NRXN3: variants seen among roughly 807,000 people sequenced by gnomAD.
NRXN3 encodes neurexin 3, also known as neurexin III.
In NRXN3, 32 loss-of-function variants were observed where a neutral mutation model predicts 137.6. The observed-to-expected ratio is 0.23, with a 90% confidence interval of 0.18 to 0.31. The LOEUF (loss-of-function observed/expected upper bound fraction) is 0.31, where lower values mean the gene tolerates loss of function less well. NRXN3 is among the 10% of genes least tolerant of loss of function. The probability of loss-of-function intolerance (pLI) is 1.00; values close to 1 mark genes in which losing one functional copy is unlikely to be tolerated. For synonymous variants in NRXN3, 798 were observed against 784.5 expected, an observed-to-expected ratio of 1.02 and a Z score of -0.29; for missense variants, 1,574 against 2,062.5, an observed-to-expected ratio of 0.76 and a Z score of 4.59.
chr14:79,127,958 C>A (rs1398445476), intron 15 of NRXN3, among the ~76,000 whole-genome samples: 3 of 150,006 alleles, frequency 2.0e-5, no homozygotes, highest in Non-Finnish European at 3.0e-5. Flanking sequence ...GGAGTTCACT[C>A]ATGATTTGGC....
At chr14:78,526,842 G>A in intron 4 of NRXN3, 10 of 487,186 alleles carry the variant, frequency 2.1e-5, no homozygotes, top group South Asian at 1.5e-4. Context: ...TATTTTCTAT[G>A]CTTCCTGATA....
At chr14:78,740,693 T>C (rs2098563595) in intron 8 of NRXN3, among the ~76,000 whole-genome samples, 1 of 152,132 alleles carries the variant, frequency 6.6e-6, no homozygotes, top group Non-Finnish European at 1.5e-5. Context: ...CCAAGTTCTC[T>C]TTGCATGTTG....
At chr14:78,510,086 T>C (rs1371926850) in intron 4 of NRXN3, among the ~76,000 whole-genome samples, 2 of 146,474 alleles carry the variant, frequency 1.4e-5, no homozygotes, top group Non-Finnish European at 2.9e-5. Flanking sequence ...TGAGTATTAG[T>C]AACATACTAG....
intron 17 of NRXN3, among the ~76,000 whole-genome samples, chr14:79,664,515 A>G (rs904994307): frequency 2.6e-5 from 4 of 152,110 alleles, no homozygotes; most frequent in Non-Finnish European, 5.9e-5. Context: ...TGGATATTCA[A>G]AGGTTGGTCC....
intron 6 of NRXN3, among the ~76,000 whole-genome samples, chr14:78,702,632 T>C (rs1594913132): frequency 6.6e-6 from 1 of 151,900 alleles, no homozygotes; most frequent in African/African-American, 2.4e-5. Flanking sequence ...TTAGTAGAGA[T>C]GGGGTTTCAC....
chr14:78,850,260 C>T (rs1177694965), intron 10 of NRXN3, among the ~76,000 whole-genome samples: 2 of 152,056 alleles, frequency 1.3e-5, no homozygotes, highest in Non-Finnish European at 2.9e-5. Context: ...GATGCGAGAA[C>T]AAGCCTAGCA....
At chr14:78,576,660 TGTGTC>T (rs2096938891) in intron 4 of NRXN3, among the ~76,000 whole-genome samples, 20 of 152,166 alleles carry the variant, frequency 1.3e-4, no homozygotes, top group Admixed American at 5.2e-4. Context: ...AGTCTCTATT[TGTGTC>T]ACATTCACTA....
intron 4 of NRXN3, among the ~76,000 whole-genome samples, chr14:78,445,210 A>ATT (rs1171049499): frequency 1.3e-5 from 2 of 152,260 alleles, no homozygotes; most frequent in African/African-American, 4.8e-5. Flanking sequence ...GCCACAGATG[A>ATT]GCTAGGGAGA....
intron 15 of NRXN3, among the ~76,000 whole-genome samples, chr14:79,057,534 T>G (rs1355229750): frequency 6.6e-6 from 1 of 152,068 alleles, no homozygotes; most frequent in African/African-American, 2.4e-5. Flanking sequence ...AGTCACAGCA[T>G]GAGGGATGAG....
chr14:79,471,789 GA>G (rs2096512247), intron 16 of NRXN3, among the ~76,000 whole-genome samples: 1 of 152,138 alleles, frequency 6.6e-6, no homozygotes, highest in Non-Finnish European at 1.5e-5. Flanking sequence ...GGCAAATGAA[GA>G]AAGGGTCACC....
intron 15 of NRXN3, among the ~76,000 whole-genome samples, chr14:79,361,996 AATTATT>A (rs3036671): frequency 0.023 from 3,203 of 142,098 alleles, 71 homozygotes; most frequent in South Asian, 0.087. Flanking sequence ...CTACTTTTAT[AATTATT>A]ATTATTATTA....
intron 10 of NRXN3, among the ~76,000 whole-genome samples, chr14:78,877,858 T>C (rs1327825776): frequency 2.6e-5 from 4 of 152,314 alleles, no homozygotes; most frequent in East Asian, 1.9e-4. Flanking sequence ...AGATACTATG[T>C]TGGATTCGAG....
chr14:78,827,649 T>A (rs1442745593), intron 10 of NRXN3, among the ~76,000 whole-genome samples: 1 of 152,174 alleles, frequency 6.6e-6, no homozygotes, highest in Non-Finnish European at 1.5e-5. Flanking sequence ...AAAAAAATAA[T>A]TTGTGTAGGC....
At chr14:78,565,087 GC>G (rs1412393636) in intron 4 of NRXN3, among the ~76,000 whole-genome samples, 1 of 152,168 alleles carries the variant, frequency 6.6e-6, no homozygotes, top group Non-Finnish European at 1.5e-5. Context: ...GGATAACTGT[GC>G]CCTGTGTGTT....
chr14:79,424,808 T>C (rs1166400544), intron 15 of NRXN3, among the ~76,000 whole-genome samples: 1 of 152,204 alleles, frequency 6.6e-6, no homozygotes, highest in Non-Finnish European at 1.5e-5. Context: ...TCTGGGATTA[T>C]GCAGGCGATA....
intron 15 of NRXN3, among the ~76,000 whole-genome samples, chr14:79,155,109 G>A (rs2060143570): frequency 6.6e-6 from 1 of 151,846 alleles, no homozygotes; most frequent in Non-Finnish European, 1.5e-5. Flanking sequence ...GTGTCACATT[G>A]CCACATGGAG....
In NRXN3 at chr14:78,243,183, C is replaced by A. The variant is rs1365137146; in HGVS notation, c.90C>A (p.Phe30Leu). 6.5e-7 allele frequency: 1 copy of A among 1,544,626 alleles called. No homozygotes were observed. The highest frequency in any genetic ancestry group is 8.7e-7 in the Non-Finnish European group (1 of 1,151,918). ...SLLGLCLGLE[F>L]MGLPNQWARY... ...TGGGGCTCTGCCTGGGCCTTGAGTT[C>A]ATGGGCCTCCCCAACCAGTGGGCCC... is the stretch of plus-strand genomic sequence containing the variant. The change falls in exon 2 of 21, where the codon TTC becomes TTA. Residue 30 changes from phenylalanine (F) to leucine (L), a missense_variant. By Grantham distance (22) the Phe-to-Leu change is conservative (BLOSUM62 0). Coordinates refer to ENST00000335750, the MANE Select transcript of NRXN3 (RefSeq NM_001330195.2). The surrounding 1 kb of genome is among the most constrained non-coding windows in gnomAD (Gnocchi z 4.2).
At chr14:78,351,212 C>G (rs1256152968) in intron 4 of NRXN3, among the ~76,000 whole-genome samples, 1 of 152,150 alleles carries the variant, frequency 6.6e-6, no homozygotes, top group Non-Finnish European at 1.5e-5. Context: ...TTTTTGCCTG[C>G]TGTATAGTGT....
intron 15 of NRXN3, among the ~76,000 whole-genome samples, chr14:79,197,733 CGGAAGGTTGG>C (rs1206839891): frequency 6.6e-6 from 1 of 152,010 alleles, no homozygotes; most frequent in Non-Finnish European, 1.5e-5. Context: ...GCAGTGGTTG[CGGAAGGTTGG>C]GGTGGCAAAC....
Sources: allele counts gnomAD v4.1 joint callset (sites outside exome capture counted in the v4.1 genomes callset), GRCh38; gene constraint gnomAD v4.1.1; non-coding constraint Gnocchi (gnomAD v3.1); transcripts MANE v1.5; gene names NCBI Gene and HGNC (gene_info 2026-07-23, HGNC 2026-07-21).